The following PPP6R3 variants were observed in gnomAD, a reference collection of about 807,000 sequenced individuals.
PPP6R3 encodes the protein serine/threonine-protein phosphatase 6 regulatory subunit 3.
PPP6R3 carries 38 observed loss-of-function variants against 110.7 expected under a neutral mutation model. The observed-to-expected ratio is 0.34, with a 90% confidence interval of 0.26 to 0.45. The LOEUF is 0.45. PPP6R3 is among the 20% of genes least tolerant of loss of function. The pLI, the probability that PPP6R3 is intolerant of heterozygous loss-of-function variation, is 1.00. For synonymous variants in PPP6R3, 369 were observed against 373.5 expected (o/e 0.99, Z 0.14); for missense variants, 870 against 1,062.4 (o/e 0.82, Z 2.52).
chr11:68,570,497 A>G (rs1423864346), intron 11 of PPP6R3, among the ~76,000 whole-genome samples: 2 of 152,216 alleles, frequency 1.3e-5, no homozygotes, highest in Non-Finnish European at 2.9e-5. Context: ...GACAAATGAC[A>G]CCTGAGAAGA....
chr11:68,518,162 G>A (rs2099146284), intron 1 of PPP6R3, among the ~76,000 whole-genome samples: 1 of 152,154 alleles, frequency 6.6e-6, no homozygotes. Context: ...TAAGAACATA[G>A]TCTCTTAAGT....
chr11:68,473,029 G>T (rs2098803368), intron 1 of PPP6R3, among the ~76,000 whole-genome samples: 1 of 152,114 alleles, frequency 6.6e-6, no homozygotes, highest in Admixed American at 6.5e-5. Context: ...ATATATAGTT[G>T]ATTTTCATCC....
chr11:68,503,232 G>T (rs1212949894), intron 1 of PPP6R3, among the ~76,000 whole-genome samples: 1 of 152,220 alleles, frequency 6.6e-6, no homozygotes, highest in Admixed American at 6.5e-5. Context: ...GTGAGCCACC[G>T]TGCCCGGCCT....
At chr11:68,499,511 C>A (rs1349564110) in intron 1 of PPP6R3, among the ~76,000 whole-genome samples, 2 of 152,086 alleles carry the variant, frequency 1.3e-5, no homozygotes, top group East Asian at 3.9e-4. Flanking sequence ...GTGACCTAGT[C>A]TTGGAAGTCA....
At position 68,584,081 on chromosome 11, in the gene PPP6R3, C is replaced by T. The variant is rs151286065; in HGVS notation, c.1632+952C>T. ...TCAGACAGTTTAGAGTTTACCTTTC[C>T]CAAATAGGTCTGAAGTAGCATTTCA... On this transcript the variant is annotated intron_variant, in intron 15 of 23. Transcript: ENST00000393800. Among the ~76,000 whole-genome samples the T allele has an allele frequency of 3.8e-3, 574 of 152,300 alleles. 2 individuals carry two copies. Among genetic ancestry groups the T allele is most frequent in the African/African-American group, 0.013 (549 of 41,572 alleles).
intron 1 of PPP6R3, among the ~76,000 whole-genome samples, chr11:68,483,307 A>G (rs1258592301): frequency 6.6e-6 from 1 of 152,214 alleles, no homozygotes; most frequent in Non-Finnish European, 1.5e-5. Flanking sequence ...TACATAACAT[A>G]AAGTTTGCAT....
Position 68,614,747 on chromosome 11 carries a change from G to C in PPP6R3, c.*1630G>C, listed in dbSNP as rs142423866. 6.5e-7 allele frequency: 1 copy of C among 1,536,970 alleles called. No individual in the cohort carries two copies. Among genetic ancestry groups the C allele is most frequent in the Admixed American group, 2.0e-5 (1 of 49,716 alleles). On this transcript the variant is annotated 3_prime_UTR_variant, in exon 24 of 24. Transcript: ENST00000393800. ...CCTCCTCAGGAACCCCCTTTCCCGG[G>C]TGAGCCCCTCTCTGAAGAGACTGTC... is the stretch of plus-strand genomic sequence containing the variant.
intron 4 of PPP6R3, among the ~76,000 whole-genome samples, chr11:68,545,486 C>T (rs559060508): frequency 2.7e-4 from 41 of 152,222 alleles, no homozygotes; most frequent in Non-Finnish European, 4.1e-4. Flanking sequence ...TTTGATTCTA[C>T]TCAAAACTTC....
At chr11:68,472,668 C>T (rs1201684174) in intron 1 of PPP6R3, among the ~76,000 whole-genome samples, 2 of 150,984 alleles carry the variant, frequency 1.3e-5, no homozygotes, top group Non-Finnish European at 2.9e-5. Context: ...ACAGACTATT[C>T]AATTGATCAA....
intron 1 of PPP6R3, among the ~76,000 whole-genome samples, chr11:68,481,060 G>A (rs553362416): frequency 5.9e-5 from 9 of 152,258 alleles, no homozygotes; most frequent in African/African-American, 2.2e-4. Context: ...AATAGATTAT[G>A]AGCCAAATCT....
At chr11:68,587,180 C>G (rs1033794257) in intron 15 of PPP6R3, 2 of 149,412 alleles carry the variant, frequency 1.3e-5, no homozygotes, top group African/African-American at 5.0e-5. Context: ...TATAACACCC[C>G]CCCCCCCCAC....
intron 5 of PPP6R3, among the ~76,000 whole-genome samples, chr11:68,549,386 C>T (rs1251184875): frequency 6.6e-6 from 1 of 152,146 alleles, no homozygotes; most frequent in African/African-American, 2.4e-5. Context: ...GTGCCCAGGG[C>T]AGGGCATGTT....
intron 3 of PPP6R3, among the ~76,000 whole-genome samples, chr11:68,540,731 CTT>C (rs528289335): frequency 3.9e-4 from 60 of 152,276 alleles, no homozygotes; most frequent in African/African-American, 1.4e-3. Context: ...TGCGCATTCT[CTT>C]TCTCAGGGAT....
In PPP6R3 at chr11:68,540,136, A is replaced by G. The variant is rs144531050; in HGVS notation, c.227+2245A>G. Among the ~76,000 whole-genome samples the G allele has an allele frequency of 3.4e-3, 524 of 152,362 alleles. 9 individuals are homozygous for G. Among genetic ancestry groups the G allele is most frequent in the Non-Finnish European group, 7.3e-4 (50 of 68,038 alleles). Reference sequence around the variant, plus strand: ...GGTAGGCTCAGCCAGGATGCTTGCTATACTTGGGATGAGATGGGAAGCCAC... The same window carrying G: ...GGTAGGCTCAGCCAGGATGCTTGCTGTACTTGGGATGAGATGGGAAGCCAC... On this transcript the variant is annotated intron_variant, in intron 3 of 23. Transcript: ENST00000393800.
chr11:68,569,005 C>G (rs2099491222), intron 10 of PPP6R3, among the ~76,000 whole-genome samples: 2 of 152,126 alleles, frequency 1.3e-5, no homozygotes, highest in Non-Finnish European at 2.9e-5. Context: ...CGTGATCCGC[C>G]CGCCTCGGCC....
rs1181285645 is a variant in PPP6R3, at chr11:68,559,973, G to A, written c.845+1294G>A. Among the ~76,000 whole-genome samples the A allele has an allele frequency of 3.9e-5, 4 of 102,894 alleles. 1 individual carries two copies. Among genetic ancestry groups the A allele is most frequent in the African/African-American group, 1.5e-4 (4 of 26,612 alleles). 67.5% of individuals were successfully genotyped at this position (102,894 alleles called of 152,430 possible). A position where few individuals can be genotyped will look rare whatever the true frequency, so the allele number is the denominator to read the frequency against. ...TGCCCTCTTCCCACCCCAGCGGTACGGTGCCCTCTTCCCACCCCAGCAGTA... is the reference window on the plus strand; with the variant it reads ...TGCCCTCTTCCCACCCCAGCGGTACAGTGCCCTCTTCCCACCCCAGCAGTA... On this transcript the variant is annotated intron_variant, in intron 8 of 23. Transcript: ENST00000393800.
chr11:68,495,001 C>A (rs2099007047), intron 1 of PPP6R3, among the ~76,000 whole-genome samples: 1 of 152,214 alleles, frequency 6.6e-6, no homozygotes, highest in African/African-American at 2.4e-5. Flanking sequence ...TGTTTAAGAA[C>A]TGCCTGGCAC....
intron 1 of PPP6R3, among the ~76,000 whole-genome samples, chr11:68,484,970 G>A (rs1298732077): frequency 6.6e-6 from 1 of 152,140 alleles, no homozygotes; most frequent in Non-Finnish European, 1.5e-5. Flanking sequence ...TGTAGATCAA[G>A]TTAGGCAGAA....
Position 68,615,043 on chromosome 11 carries a change from CAG to C in PPP6R3, c.*1927_*1928del. The C allele has an allele frequency of 2.0e-6, 1 of 491,904 alleles. No individual in the cohort carries two copies. 30.5% of individuals were successfully genotyped at this position (491,904 alleles called of 1,614,324 possible). On this transcript the variant is annotated 3_prime_UTR_variant, in exon 24 of 24. Coordinates refer to ENST00000393800, the MANE Select transcript of PPP6R3 (RefSeq NM_001164161.2). ...GGCTTCTCCATCCTACCCAAGGTAA[CAG>C]TGTCTTGCTTCATCCCACTGACTGC...
Sources: allele counts gnomAD v4.1 joint callset (sites outside exome capture counted in the v4.1 genomes callset), GRCh38; gene constraint gnomAD v4.1.1; transcripts MANE v1.5; gene names NCBI Gene and HGNC (gene_info 2026-07-23, HGNC 2026-07-21).